The following NRXN1 variants were observed in gnomAD, a reference collection of about 807,000 sequenced individuals.
NRXN1 encodes neurexin-1.
Under a neutral mutation model 150.9 loss-of-function variants are expected in NRXN1, and 39 were observed. The observed-to-expected ratio is 0.26, with a 90% CI of 0.20 to 0.34. NRXN1 has a LOEUF of 0.34. Among genes scored for constraint, NRXN1 ranks in the 10% least tolerant of loss-of-function variants. NRXN1 has a pLI of 1.00. For missense variants in NRXN1, 1,815 were observed against 1,949.9 expected, an observed-to-expected ratio of 0.93 and a Z score of 1.30; for synonymous variants, 924 against 757.0, an observed-to-expected ratio of 1.22 and a Z score of -3.62.
At chr2:50,344,158 T>C (rs1158246320) in intron 17 of NRXN1, among the ~76,000 whole-genome samples, 2 of 152,182 alleles carry the variant, frequency 1.3e-5, no homozygotes, top group African/African-American at 2.4e-5. Context: ...GGTTTCTCTT[T>C]AAGCCATCAC....
chr2:50,693,173 AG>A (rs976354129), intron 5 of NRXN1, among the ~76,000 whole-genome samples: 1 of 152,234 alleles, frequency 6.6e-6, no homozygotes, highest in African/African-American at 2.4e-5. Flanking sequence ...TAGATTTAAA[AG>A]GCAAAAATCC....
At chr2:51,022,982 G>C (rs1669868309) in intron 2 of NRXN1, among the ~76,000 whole-genome samples, 1 of 152,100 alleles carries the variant, frequency 6.6e-6, no homozygotes, top group Non-Finnish European at 1.5e-5. Flanking sequence ...AAAGGGTTCA[G>C]GTAATGCTTT....
At chr2:50,922,634 G>A in intron 4 of NRXN1, 24 bp downstream of exon 4, 4 of 1,608,598 alleles carry the variant, frequency 2.5e-6, no homozygotes, top group Non-Finnish European at 3.4e-6. Flanking sequence ...TGAAAGCAGA[G>A]TGGAAAAGGA....
chr2:50,113,863 G>A (rs554468949), intron 18 of NRXN1, among the ~76,000 whole-genome samples: 13 of 152,014 alleles, frequency 8.6e-5, no homozygotes, highest in Non-Finnish European at 1.6e-4. Flanking sequence ...GACTTCTATT[G>A]AACACTAATC....
At chr2:50,077,021 T>A (rs1384657669) in intron 19 of NRXN1, among the ~76,000 whole-genome samples, 1 of 152,180 alleles carries the variant, frequency 6.6e-6, no homozygotes, top group African/African-American at 2.4e-5. Context: ...GGAGTAGGCT[T>A]TAGAACCTAT....
At chr2:50,738,467 G>T (rs1699035993) in intron 5 of NRXN1, among the ~76,000 whole-genome samples, 1 of 152,054 alleles carries the variant, frequency 6.6e-6, no homozygotes, top group African/African-American at 2.4e-5. Context: ...CACACAAAAA[G>T]CTCTACTTTT....
chr2:50,585,894 G>T (rs188036318), intron 8 of NRXN1, among the ~76,000 whole-genome samples: 2 of 152,110 alleles, frequency 1.3e-5, no homozygotes, highest in African/African-American at 2.4e-5. Flanking sequence ...TCCTAAGAGG[G>T]GTCACTGAGT....
intron 8 of NRXN1, among the ~76,000 whole-genome samples, chr2:50,557,195 T>A (rs1668384952): frequency 1.3e-5 from 2 of 152,180 alleles, no homozygotes; most frequent in African/African-American, 4.8e-5. Context: ...CGGGAGTATG[T>A]GAAATTCAGT....
chr2:50,705,192 A>G (rs981736060), intron 5 of NRXN1, among the ~76,000 whole-genome samples: 2 of 152,198 alleles, frequency 1.3e-5, no homozygotes, highest in Admixed American at 6.6e-5. Context: ...TCAGTATAAG[A>G]GGAAACCATA....
At chr2:50,303,220 T>G (rs1250237104) in intron 17 of NRXN1, among the ~76,000 whole-genome samples, 2 of 152,276 alleles carry the variant, frequency 1.3e-5, no homozygotes, top group East Asian at 1.9e-4. Context: ...AATTAATCAG[T>G]AGTCTTTAGG....
At chr2:50,951,961 ATAT>A (rs1390973903) in intron 2 of NRXN1, among the ~76,000 whole-genome samples, 1 of 82,662 alleles carries the variant, frequency 1.2e-5, no homozygotes, top group African/African-American at 6.0e-5. Context: ...ATATATATAT[ATAT>A]TTTTTTTTTT....
At chr2:50,680,896 T>C (rs1376207241) in intron 5 of NRXN1, among the ~76,000 whole-genome samples, 2 of 152,154 alleles carry the variant, frequency 1.3e-5, no homozygotes, top group South Asian at 2.1e-4. Flanking sequence ...CAGGCAAGCA[T>C]TGAGACCTGC....
intron 5 of NRXN1, among the ~76,000 whole-genome samples, chr2:50,868,732 A>G (rs909009992): frequency 6.6e-5 from 10 of 151,844 alleles, no homozygotes; most frequent in African/African-American, 2.2e-4. Context: ...AGAGAGACTC[A>G]TTGACAGCAT....
At position 50,967,460 on chromosome 2, in the gene NRXN1, T is replaced by C. The variant is rs1360320707; in HGVS notation, c.773-41505A>G. On this transcript the variant is annotated intron_variant, in intron 2 of 22. Transcript: ENST00000401669. ...CTGAACAGTCTGGGTAAATTCCCCA[T>C]ATAATATTTCTTATTTAAAACTTTA... Among the ~76,000 whole-genome samples, 4 of 151,984 alleles carry C rather than the reference T, an allele frequency of 2.6e-5. No individual in the cohort carries two copies. The South Asian group carries it at 6.2e-4, about 24-fold the overall frequency.
chr2:50,811,888 CTAAAG>C (rs1390049183), intron 5 of NRXN1, among the ~76,000 whole-genome samples: 3 of 151,954 alleles, frequency 2.0e-5, no homozygotes, highest in Admixed American at 2.0e-4. Flanking sequence ...GACAGTGCAC[CTAAAG>C]TAAAAATGTG....
intron 8 of NRXN1, among the ~76,000 whole-genome samples, chr2:50,584,820 A>G (rs1365825859): frequency 6.6e-6 from 1 of 152,216 alleles, no homozygotes; most frequent in Non-Finnish European, 1.5e-5. Context: ...AGTTCACAGT[A>G]TATCTATATG....
intron 10 of NRXN1, among the ~76,000 whole-genome samples, chr2:50,536,739 T>G (rs1455796940): frequency 6.6e-6 from 1 of 152,198 alleles, no homozygotes; most frequent in African/African-American, 2.4e-5. Context: ...CTTTGTTACA[T>G]TGTTCATCCT....
intron 16 of NRXN1, 63 bp downstream of exon 16, chr2:50,472,235 T>C (rs1230387877): frequency 1.5e-6 from 2 of 1,350,470 alleles, no homozygotes; most frequent in African/African-American, 1.5e-5. Flanking sequence ...GACAGTGAGA[T>C]TCACTCTCAG....
intron 17 of NRXN1, among the ~76,000 whole-genome samples, chr2:50,305,101 T>C (rs2074499481): frequency 6.6e-6 from 1 of 151,868 alleles, no homozygotes; most frequent in Non-Finnish European, 1.5e-5. Context: ...GGGGGTGGGA[T>C]GGGGCGGAAA....
Sources: gnomAD v4.1 joint callset for allele counts (sites outside exome capture counted in the v4.1 genomes callset) on GRCh38, gnomAD v4.1.1 for gene constraint, MANE v1.5 for transcripts, NCBI Gene and HGNC (gene_info 2026-07-23, HGNC 2026-07-21) for gene names.